SNTG2: variants seen among roughly 807,000 people sequenced by gnomAD.
The protein encoded by SNTG2 is gamma-2-syntrophin.
A neutral mutation model predicts 70.9 loss-of-function variants in SNTG2; 74 were observed. The observed-to-expected ratio is 1.04, with a 90% CI of 0.86 to 1.27. The LOEUF (loss-of-function observed/expected upper bound fraction) is 1.27, where lower values mean the gene tolerates loss of function less well. Among genes scored for constraint, SNTG2 ranks in the 50% most tolerant of loss-of-function variants. The pLI, the probability that SNTG2 is intolerant of heterozygous loss-of-function variation, is 0.00. For missense variants in SNTG2, 717 were observed against 690.7 expected (o/e 1.04, Z -0.43); for synonymous variants, 278 against 273.8 (o/e 1.02, Z -0.15).
intron 16 of SNTG2, among the ~76,000 whole-genome samples, chr2:1,363,984 T>A (rs909922740): frequency 8.0e-5 from 1 of 12,472 alleles, no homozygotes; most frequent in African/African-American, 2.5e-4. Context: ...TTTTCTTTTT[T>A]TTTGAGACAG....
At chr2:1,269,377 C>T (rs2148187331) in intron 14 of SNTG2, among the ~76,000 whole-genome samples, 1 of 152,228 alleles carries the variant, frequency 6.6e-6, no homozygotes, top group South Asian at 2.1e-4. Flanking sequence ...AAATATTAGC[C>T]AGGCATGGTA....
At position 1,361,896 on chromosome 2, in the gene SNTG2, G is replaced by T. The variant is rs1381887593; in HGVS notation, c.1489-5447G>T. Among the ~76,000 whole-genome samples the T allele has an allele frequency of 4.2e-5, 4 of 95,650 alleles. 1 individual carries two copies. Among genetic ancestry groups the T allele is most frequent in the Admixed American group, 3.2e-4 (3 of 9,316 alleles). The allele number at this position is 95,650 out of a possible 152,430, so 62.8% of individuals were successfully genotyped here. On this transcript the variant is annotated intron_variant, in intron 16 of 16. Coordinates refer to ENST00000308624, the MANE Select transcript of SNTG2 (RefSeq NM_018968.4). ...GTCACCAACGCTGAGCATTTCAGTA[G>T]AACTTCCATGAAGGTCACCAACGCT...
intron 1 of SNTG2, among the ~76,000 whole-genome samples, chr2:1,007,344 G>A (rs1225902139): frequency 6.6e-6 from 1 of 152,182 alleles, no homozygotes; most frequent in Non-Finnish European, 1.5e-5. Flanking sequence ...CATCGGTGGA[G>A]ACACCTGGGT....
At chr2:995,423 A>G (rs7580809) in intron 1 of SNTG2, among the ~76,000 whole-genome samples, 69,934 of 151,886 alleles carry the variant, frequency 0.46, 16,615 homozygotes, top group Middle Eastern at 0.6. Context: ...ATCCCACTTA[A>G]ATATGGTGTA....
chr2:1,316,304 T>A lies in SNTG2; in HGVS notation c.1417T>A (p.Ser473Thr). Residue 473 changes from serine to threonine, a missense_variant, in exon 16 of 17, where the codon TCT (serine) becomes ACT (threonine). Coordinates refer to ENST00000308624, the MANE Select transcript of SNTG2 (RefSeq NM_018968.4). Reference protein sequence around the residue: ...WRFKFSQLKGSSDDGKTRVKL... With the variant: ...WRFKFSQLKGTSDDGKTRVKL... ...ATTTAAATTTTCCCAGCTTAAGGGA[T>A]CTTCAGATGATGGGAAAACTCGAGT... The A allele has an allele frequency of 6.5e-7, 1 of 1,550,188 alleles. No homozygotes were observed. The highest frequency in any genetic ancestry group is 8.7e-7 in the Non-Finnish European group (1 of 1,145,784).
intron 1 of SNTG2, among the ~76,000 whole-genome samples, chr2:1,080,506 G>A (rs1240247112): frequency 5.3e-5 from 8 of 151,928 alleles, no homozygotes; most frequent in Non-Finnish European, 1.0e-4. Context: ...GCATGCATTT[G>A]TGTGTGTCTG....
chr2:1,002,060 A>G (rs1009574180), intron 1 of SNTG2, among the ~76,000 whole-genome samples: 1 of 152,188 alleles, frequency 6.6e-6, no homozygotes, highest in African/African-American at 2.4e-5. Context: ...GGATAGCCAT[A>G]TGCAGAAGAA....
At chr2:1,286,584 G>A (rs1053848373) in intron 14 of SNTG2, among the ~76,000 whole-genome samples, 5 of 152,190 alleles carry the variant, frequency 3.3e-5, no homozygotes, top group African/African-American at 9.7e-5. Context: ...GTGAGTCCAC[G>A]GATGGTAGTC....
intron 8 of SNTG2, among the ~76,000 whole-genome samples, chr2:1,185,009 A>C (rs1284913373): frequency 6.6e-6 from 1 of 152,246 alleles, no homozygotes; most frequent in Non-Finnish European, 1.5e-5. Flanking sequence ...AGTTACTTCC[A>C]AGATACAATG....
At chr2:1,072,815 A>G (rs1411054704) in intron 1 of SNTG2, among the ~76,000 whole-genome samples, 2 of 152,226 alleles carry the variant, frequency 1.3e-5, no homozygotes, top group Non-Finnish European at 1.5e-5. Context: ...AGTACATTTC[A>G]TGATTCATGG....
At chr2:1,192,749 C>G (rs534018138) in intron 8 of SNTG2, among the ~76,000 whole-genome samples, 2 of 152,286 alleles carry the variant, frequency 1.3e-5, no homozygotes, top group Admixed American at 1.3e-4. Flanking sequence ...GTCCCTCCTA[C>G]ACCCTCCCCT....
intron 1 of SNTG2, among the ~76,000 whole-genome samples, chr2:1,021,500 A>G (rs990781672): frequency 1.2e-4 from 18 of 152,210 alleles, no homozygotes; most frequent in African/African-American, 4.3e-4. Context: ...TTCTGGACAC[A>G]TCAAGCAAAT....
rs374276178 is a variant in SNTG2, at chr2:1,255,857, TATATAA to T, written c.1006-3507_1006-3502del. Among the ~76,000 whole-genome samples the T allele has an allele frequency of 1.4e-3, 70 of 50,416 alleles. 1 individual carries two copies. The highest frequency in any genetic ancestry group is 0.01 in the Middle Eastern group (1 of 96). The allele number at this position is 50,416 out of a possible 152,430, so 33.1% of individuals were successfully genotyped here. On this transcript the variant is annotated intron_variant, in intron 12 of 16. Transcript: ENST00000308624. ...AAATATATATAAATATATATAAATA[TATATAA>T]ATATATATAAATATATATATAAATA... is the stretch of plus-strand genomic sequence containing the variant.
At chr2:1,299,097 G>A (rs777430336) in intron 14 of SNTG2, among the ~76,000 whole-genome samples, 1 of 152,148 alleles carries the variant, frequency 6.6e-6, no homozygotes, top group Non-Finnish European at 1.5e-5. Context: ...TGTCTGTCTA[G>A]AGAACCCTGA....
At chr2:1,203,673 A>AAAAATATATAT (rs1451954919) in intron 8 of SNTG2, among the ~76,000 whole-genome samples, 4 of 115,536 alleles carry the variant, frequency 3.5e-5, no homozygotes, top group African/African-American at 1.3e-4. Context: ...CAAAAAAAAA[A>AAAAATATATAT]ATATATATAT....
intron 14 of SNTG2, among the ~76,000 whole-genome samples, chr2:1,290,315 T>G (rs1572928853): frequency 1.7e-5 from 2 of 116,536 alleles, no homozygotes; most frequent in African/African-American, 3.0e-5. Context: ...AAGTTCTACA[T>G]CCTTTTTTTT....
At chr2:1,218,295 G>A (rs142668801) in intron 9 of SNTG2, among the ~76,000 whole-genome samples, 152 of 152,282 alleles carry the variant, frequency 1.0e-3, no homozygotes, top group Middle Eastern at 6.8e-3. Flanking sequence ...TGCATTTGCA[G>A]AATCCCTTCA....
chr2:1,009,390 T>C (rs1386504981), intron 1 of SNTG2, among the ~76,000 whole-genome samples: 1 of 38,408 alleles, frequency 2.6e-5, no homozygotes, highest in African/African-American at 1.3e-4. Flanking sequence ...GGGTCGTGTG[T>C]ATGGCAGCCA....
chr2:1,043,373 T>C (rs1572284381), intron 1 of SNTG2, among the ~76,000 whole-genome samples: 1 of 152,198 alleles, frequency 6.6e-6, no homozygotes, highest in African/African-American at 2.4e-5. Context: ...AGGTTGTCTG[T>C]TTACTCTGTT....
Sources: gnomAD v4.1 joint callset for allele counts (sites outside exome capture counted in the v4.1 genomes callset) on GRCh38, gnomAD v4.1.1 for gene constraint, MANE v1.5 for transcripts, NCBI Gene and HGNC (gene_info 2026-07-23, HGNC 2026-07-21) for gene names.